Variants in AGAP3 observed in about 807,000 individuals in gnomAD.
AGAP3 encodes the protein arf-GAP with GTPase, ANK repeat and PH domain-containing protein 3.
AGAP3 carries 24 observed loss-of-function variants against 96.9 expected under a neutral mutation model. The observed-to-expected ratio is 0.25, with a 90% CI of 0.18 to 0.35. AGAP3 has a LOEUF of 0.35. AGAP3 is among the 10% of genes least tolerant of loss of function. The probability of loss-of-function intolerance (pLI) is 1.00; values close to 1 mark genes in which losing one functional copy is unlikely to be tolerated. For missense variants in AGAP3, 876 were observed against 1,254.2 expected (o/e 0.70, Z 4.55); for synonymous variants, 563 against 536.1 (o/e 1.05, Z -0.69).
In AGAP3 at chr7:151,095,726, AAG is replaced by A. The variant is rs1388962950; in HGVS notation, c.331+8656_331+8657del. Among the ~76,000 whole-genome samples, 920 of 132,584 alleles carry A rather than the reference AAG, an allele frequency of 6.9e-3. 14 individuals carry two copies. Among genetic ancestry groups the A allele is most frequent in the African/African-American group, 0.026 (870 of 33,136 alleles). 87.0% of individuals were successfully genotyped at this position (132,584 alleles called of 152,430 possible). A position where few individuals can be genotyped will look rare whatever the true frequency, so the allele number is the denominator to read the frequency against. Reference sequence around the variant, plus strand: ...CAAAAAAAAAAAAAAAAAAAAAAAAAAGATACCAGAAAGGCAAGCCCCAGAGC... The same window carrying A: ...CAAAAAAAAAAAAAAAAAAAAAAAAAATACCAGAAAGGCAAGCCCCAGAGC... On this transcript the variant is annotated intron_variant, in intron 1 of 17. Transcript: ENST00000397238.
chr7:151,105,177 C>G (rs1173717063), intron 1 of AGAP3, among the ~76,000 whole-genome samples: 1 of 152,228 alleles, frequency 6.6e-6, no homozygotes, highest in East Asian at 1.9e-4. Context: ...TCCTCTGTAT[C>G]CCCTCAGAGT....
intron 11 of AGAP3, chr7:151,137,881 C>T (rs895360632): frequency 2.0e-6 from 1 of 505,772 alleles, no homozygotes; most frequent in Non-Finnish European, 3.5e-6. Context: ...ATCTCTGATG[C>T]AGAGACCCCC....
intron 1 of AGAP3, among the ~76,000 whole-genome samples, chr7:151,109,841 C>A (rs978633337): frequency 7.2e-5 from 11 of 152,216 alleles, no homozygotes; most frequent in African/African-American, 2.2e-4. Context: ...GTGATCCCAG[C>A]GTCCACTCTG....
Position 151,143,300 on chromosome 7 carries a change from G to A in AGAP3, c.2274-41G>A. 6.4e-7 allele frequency: 1 copy of A among 1,563,864 alleles called. No homozygotes were observed. The highest frequency in any genetic ancestry group is 8.7e-7 in the Non-Finnish European group (1 of 1,152,484). On this transcript the variant is annotated intron_variant, in intron 16 of 17. Transcript: ENST00000397238. The surrounding 1 kb of genome is among the most constrained non-coding windows in gnomAD (Gnocchi z 5.9). The stretch of plus-strand genomic sequence containing the variant: ...TTCCTGGCCCCACCCGTTGCTCGGT[G>A]ACCTTCCTTGGCTCATGCCCTGATG...
intron 1 of AGAP3, among the ~76,000 whole-genome samples, chr7:151,098,978 C>T (rs1232136236): frequency 1.3e-5 from 2 of 151,808 alleles, no homozygotes; most frequent in African/African-American, 4.8e-5. Context: ...ACAGGCAGTC[C>T]ACTCACCTTG....
chr7:151,109,742 G>C (rs1414682354), intron 1 of AGAP3, among the ~76,000 whole-genome samples: 1 of 152,172 alleles, frequency 6.6e-6, no homozygotes, highest in African/African-American at 2.4e-5. Context: ...ACCAGCCCAG[G>C]AATCAAAGCC....
At chr7:151,129,731 C>T (rs970622161) in intron 10 of AGAP3, among the ~76,000 whole-genome samples, 7 of 151,960 alleles carry the variant, frequency 4.6e-5, no homozygotes, top group Admixed American at 3.9e-4. Context: ...CCTTGTCCCA[C>T]TCGCGAGTCC....
intron 12 of AGAP3, among the ~76,000 whole-genome samples, chr7:151,138,707 G>GC (rs1209772931): frequency 6.6e-6 from 1 of 152,214 alleles, no homozygotes; most frequent in African/African-American, 2.4e-5. Context: ...CAGCCTCTCG[G>GC]CAGGGGGACG....
At chr7:151,109,720 G>A (rs951852494) in intron 1 of AGAP3, among the ~76,000 whole-genome samples, 4 of 152,196 alleles carry the variant, frequency 2.6e-5, no homozygotes, top group Non-Finnish European at 5.9e-5. Context: ...CTCTTAGAGG[G>A]GAGATGGAGG....
intron 1 of AGAP3, among the ~76,000 whole-genome samples, chr7:151,099,666 G>A (rs1025827098): frequency 6.6e-6 from 1 of 152,222 alleles, no homozygotes; most frequent in African/African-American, 2.4e-5. Context: ...CTGGCACCGG[G>A]ACCGGGCCGC....
Position 151,108,720 on chromosome 7 carries a change from G to A in AGAP3, c.332-8073G>A, listed in dbSNP as rs1327174301. Among the ~76,000 whole-genome samples the A allele has an allele frequency of 2.6e-5, 4 of 152,222 alleles. No homozygotes were observed. Among genetic ancestry groups the A allele is most frequent in the Non-Finnish European group, 4.4e-5 (3 of 68,046 alleles). On this transcript the variant is annotated intron_variant, in intron 1 of 17. Transcript: ENST00000397238. This position sits in a 1 kb window ranked among gnomAD's most constrained non-coding sequence, Gnocchi z 4.2. ...CACTCAAAAAATAATGTGAAATGAT[G>A]ACTTAGAGGCCCAAGCTCCAGCCTG...
intron 8 of AGAP3, chr7:151,120,557 C>T (rs1463582745): frequency 1.6e-5 from 19 of 1,181,782 alleles, no homozygotes; most frequent in Admixed American, 6.8e-5. Flanking sequence ...TTGCCCAAGG[C>T]GACACAGAGG....
At position 151,118,561 on chromosome 7, in the gene AGAP3, A is replaced by C; in HGVS notation, c.898A>C (p.Lys300Gln). Residue 300 changes from lysine to glutamine, a missense_variant, in exon 7 of 18, where the codon AAG becomes CAG. This residue lies in a region of AGAP3 where 100 missense variants were observed against 129.4 expected (regional missense o/e 0.77). Transcript: ENST00000397238. The surrounding 1 kb of genome is among the most constrained non-coding windows in gnomAD (Gnocchi z 6.1). ...GCAGCAACTGGCCATCGGGCCCTGCAAGTCACTGCCCAACTCGCCCAGCCA... is the reference window on the plus strand; with the variant it reads ...GCAGCAACTGGCCATCGGGCCCTGCCAGTCACTGCCCAACTCGCCCAGCCA... Reference protein sequence around the residue: ...KKQQLAIGPCKSLPNSPSHSA... With the variant: ...KKQQLAIGPCQSLPNSPSHSA... The C allele has an allele frequency of 6.2e-7, 1 of 1,614,158 alleles. No homozygotes were observed. The highest frequency in any genetic ancestry group is 8.5e-7 in the Non-Finnish European group (1 of 1,180,036).
In AGAP3 at chr7:151,097,969, G is replaced by A. The variant is rs188412595; in HGVS notation, c.331+10897G>A. Among the ~76,000 whole-genome samples, 12 of 152,244 alleles carry A rather than the reference G, an allele frequency of 7.9e-5. No homozygotes were observed. The East Asian group carries it at 9.6e-4, about 12-fold the overall frequency. ...ACTCCACTTGGTATTGACACCCAGC[G>A]CCTCCGCATGGGACTGGCCATGTTT... On this transcript the variant is annotated intron_variant, in intron 1 of 17. Transcript: ENST00000397238.
chr7:151,118,058 T>C lies in AGAP3; in HGVS notation c.707-152T>C. On this transcript the variant is annotated intron_variant, in intron 5 of 17. Transcript: ENST00000397238. This position sits in a 1 kb window ranked among gnomAD's most constrained non-coding sequence, Gnocchi z 6.1. Reference sequence around the variant, plus strand: ...TGCACTCAGTGAGGCCATGGAAGGGTTGAAATGAGACCCAGGCACCCGCGT... The same window carrying C: ...TGCACTCAGTGAGGCCATGGAAGGGCTGAAATGAGACCCAGGCACCCGCGT... 2.7e-6 allele frequency: 3 copies of C among 1,091,884 alleles called. No individual in the cohort carries two copies. In the South Asian group the frequency reaches 5.0e-5, roughly 18 times the overall value. 67.6% of individuals were successfully genotyped at this position (1,091,884 alleles called of 1,614,324 possible). A position where few individuals can be genotyped will look rare whatever the true frequency, so the allele number is the denominator to read the frequency against.
At chr7:151,123,238 C>A (rs1800000530) in intron 8 of AGAP3, 22 of 1,067,396 alleles carry the variant, frequency 2.1e-5, no homozygotes, top group Non-Finnish European at 2.5e-5. Context: ...TTTTTGGCCT[C>A]CCCCTATTTC....
chr7:151,103,198 A>G (rs1028854102), intron 1 of AGAP3, among the ~76,000 whole-genome samples: 9 of 152,250 alleles, frequency 5.9e-5, no homozygotes, highest in African/African-American at 2.2e-4. Context: ...TTTGCAGATG[A>G]GGAAACTGAG....
chr7:151,104,275 G>A (rs1007291155), intron 1 of AGAP3, among the ~76,000 whole-genome samples: 7 of 152,216 alleles, frequency 4.6e-5, no homozygotes, highest in South Asian at 2.1e-4. Context: ...CTTTAGTGTC[G>A]CCCTTGTGTC....
chr7:151,123,195 C>A, intron 8 of AGAP3: 1 of 1,050,300 alleles, frequency 9.5e-7, no homozygotes, highest in Non-Finnish European at 1.1e-6. Context: ...GCTCCGGAAG[C>A]CGCCGCCGCC....
Sources: gnomAD v4.1 joint callset for allele counts (sites outside exome capture counted in the v4.1 genomes callset) on GRCh38, gnomAD v4.1.1 for gene constraint, gnomAD v4.1.1 regional missense constraint, Gnocchi (gnomAD v3.1) non-coding constraint, MANE v1.5 for transcripts, NCBI Gene and HGNC (gene_info 2026-07-23, HGNC 2026-07-21) for gene names.